Variants in L3MBTL4 observed in about 807,000 individuals in gnomAD.
The protein encoded by L3MBTL4 is lethal(3)malignant brain tumor-like protein 4.
Under a neutral mutation model 84.5 loss-of-function variants are expected in L3MBTL4, and 70 were observed. The ratio of observed to expected loss-of-function variants is 0.83; its 90% confidence interval spans 0.68 to 1.01. L3MBTL4 has a LOEUF of 1.01. L3MBTL4 is among the 50% of genes least tolerant of loss of function. The pLI is 0.00. For synonymous variants in L3MBTL4, 274 were observed against 259.8 expected, an observed-to-expected ratio of 1.05 and a Z score of -0.52; for missense variants, 715 against 754.8, an observed-to-expected ratio of 0.95 and a Z score of 0.62.
intron 16 of L3MBTL4, among the ~76,000 whole-genome samples, chr18:6,042,910 C>T (rs1167683122): frequency 6.6e-6 from 1 of 152,184 alleles, no homozygotes; most frequent in African/African-American, 2.4e-5. Context: ...TTCTCAAAGG[C>T]CTCTCAAAAT....
intron 16 of L3MBTL4, among the ~76,000 whole-genome samples, chr18:6,018,366 G>C (rs780402562): frequency 6.6e-6 from 1 of 152,156 alleles, no homozygotes. Flanking sequence ...GTGAGCAAAG[G>C]CTGCACGGGT....
chr18:6,017,503 C>T (rs2055048268), intron 16 of L3MBTL4, among the ~76,000 whole-genome samples: 1 of 152,198 alleles, frequency 6.6e-6, no homozygotes, highest in Non-Finnish European at 1.5e-5. Flanking sequence ...ATTTGACATA[C>T]ATTTTCTGAA....
intron 1 of L3MBTL4, among the ~76,000 whole-genome samples, chr18:6,319,385 A>G (rs1371152120): frequency 1.3e-5 from 2 of 152,106 alleles, no homozygotes; most frequent in African/African-American, 2.4e-5. Flanking sequence ...TAGATTAACC[A>G]AAAATAAAAA....
At chr18:5,966,874 C>T (rs1430375586) in intron 17 of L3MBTL4, among the ~76,000 whole-genome samples, 1 of 151,010 alleles carries the variant, frequency 6.6e-6, no homozygotes, top group Non-Finnish European at 1.5e-5. Context: ...TGGCATTTGG[C>T]ACGTCTCACT....
intron 14 of L3MBTL4, among the ~76,000 whole-genome samples, chr18:6,116,231 C>T (rs984657878): frequency 1.3e-5 from 2 of 152,120 alleles, no homozygotes; most frequent in African/African-American, 4.8e-5. Flanking sequence ...CTGGCCAGAG[C>T]TGGGAGTGGC....
At chr18:6,337,945 C>T (rs1174037832) in intron 1 of L3MBTL4, among the ~76,000 whole-genome samples, 1 of 151,712 alleles carries the variant, frequency 6.6e-6, no homozygotes, top group East Asian at 1.9e-4. Context: ...AACAATAAGA[C>T]ATAGAGCTGA....
intron 13 of L3MBTL4, among the ~76,000 whole-genome samples, chr18:6,142,142 C>A (rs778484829): frequency 6.6e-6 from 1 of 152,208 alleles, no homozygotes; most frequent in Non-Finnish European, 1.5e-5. Context: ...ATAGCACCTA[C>A]CTCAATTACA....
chr18:6,285,438 G>C (rs114588623), intron 4 of L3MBTL4, among the ~76,000 whole-genome samples: 3,316 of 152,224 alleles, frequency 0.022, 102 homozygotes, highest in African/African-American at 0.074. Flanking sequence ...TTCCATGTGA[G>C]ATTTCAATAT....
chr18:6,372,840 C>T (rs923507876), intron 1 of L3MBTL4, among the ~76,000 whole-genome samples: 4 of 152,196 alleles, frequency 2.6e-5, no homozygotes, highest in African/African-American at 9.7e-5. Context: ...CCAATTCTTT[C>T]ACTTAAAACA....
intron 1 of L3MBTL4, among the ~76,000 whole-genome samples, chr18:6,345,215 C>CAAAAAA (rs35502624): frequency 1.3e-3 from 50 of 38,460 alleles, no homozygotes; most frequent in African/African-American, 2.4e-3. Flanking sequence ...TACTAAAATA[C>CAAAAAA]AAAAAAAAAA....
chr18:6,264,028 C>T lies in L3MBTL4; in HGVS notation c.138G>A (p.Ala46=), dbSNP rs756411474. 5.0e-6 allele frequency: 8 copies of T among 1,612,268 alleles called. No individual in the cohort carries two copies. The highest frequency in any genetic ancestry group is 1.7e-4 in the Middle Eastern group (1 of 6,058). ...CCCAAGACCATGCTCCCTGTGCAGCCGCTGAAGGGACTGGAAGAGAAAACA... is the reference window on the plus strand; with the variant it reads ...CCCAAGACCATGCTCCCTGTGCAGCTGCTGAAGGGACTGGAAGAGAAAACA... ...STTPLSHVPS[A]AAQGAWSWEW... The change falls in exon 5 of 19, where the codon GCG becomes GCA. Residue 46 remains alanine, a synonymous_variant. Transcript: ENST00000317931.
chr18:6,297,343 A>G (rs1181772316), intron 4 of L3MBTL4, among the ~76,000 whole-genome samples: 1 of 152,198 alleles, frequency 6.6e-6, no homozygotes, highest in Non-Finnish European at 1.5e-5. Flanking sequence ...TTGGGACAGA[A>G]AAAGGACACT....
At chr18:6,217,129 T>G (rs2046359460) in intron 10 of L3MBTL4, among the ~76,000 whole-genome samples, 1 of 152,202 alleles carries the variant, frequency 6.6e-6, no homozygotes, top group Non-Finnish European at 1.5e-5. Context: ...TTTATGCTTT[T>G]TAATAAAAAT....
chr18:6,210,776 T>C (rs1222660702), intron 12 of L3MBTL4, among the ~76,000 whole-genome samples: 1 of 152,226 alleles, frequency 6.6e-6, no homozygotes, highest in Non-Finnish European at 1.5e-5. Context: ...CCCCATGTAA[T>C]TCCAATCAAA....
At chr18:6,084,438 A>G (rs757145439) in intron 15 of L3MBTL4, among the ~76,000 whole-genome samples, 9 of 152,304 alleles carry the variant, frequency 5.9e-5, no homozygotes, top group Admixed American at 2.0e-4. Context: ...AATGGTCCAT[A>G]AGTTCAAAAA....
At chr18:6,362,448 A>G (rs2053750290) in intron 1 of L3MBTL4, among the ~76,000 whole-genome samples, 1 of 152,216 alleles carries the variant, frequency 6.6e-6, no homozygotes, top group Non-Finnish European at 1.5e-5. Flanking sequence ...TTCTGCTAAC[A>G]GAGCCCCTCT....
chr18:6,124,536 G>GT (rs1384114918), intron 14 of L3MBTL4, among the ~76,000 whole-genome samples: 1 of 151,596 alleles, frequency 6.6e-6, no homozygotes, highest in Non-Finnish European at 1.5e-5. Flanking sequence ...TGTTATCATG[G>GT]TAAAAACTAG....
intron 10 of L3MBTL4, among the ~76,000 whole-genome samples, chr18:6,226,497 C>T (rs778048782): frequency 6.6e-6 from 1 of 152,138 alleles, no homozygotes; most frequent in South Asian, 2.1e-4. Flanking sequence ...AGATATAGAA[C>T]ATATAGAAGG....
chr18:6,240,004 C>T, intron 8 of L3MBTL4, 132 bp from the exon 9 acceptor site: 1 of 746,176 alleles, frequency 1.3e-6, no homozygotes, highest in East Asian at 2.7e-5. Flanking sequence ...CTGGACAAAG[C>T]CATCAAATGC....
Sources: allele counts gnomAD v4.1 joint callset (sites outside exome capture counted in the v4.1 genomes callset), GRCh38; gene constraint gnomAD v4.1.1; transcripts MANE v1.5; gene names NCBI Gene and HGNC (gene_info 2026-07-23, HGNC 2026-07-21).